The following SMURF1 variants were observed in gnomAD, a reference collection of about 807,000 sequenced individuals.
SMURF1 encodes SMAD specific E3 ubiquitin protein ligase 1, also known as E3 ubiquitin-protein ligase SMURF1.
In SMURF1, 44 loss-of-function variants were observed where a neutral mutation model predicts 98.0. That is an observed-to-expected ratio of 0.45 (90% CI 0.35 to 0.58). The LOEUF (loss-of-function observed/expected upper bound fraction) is 0.58, where lower values mean the gene tolerates loss of function less well. SMURF1 is among the 20% of genes least tolerant of loss of function. SMURF1 has a pLI of 0.00. For synonymous variants in SMURF1, 396 were observed against 374.9 expected, an observed-to-expected ratio of 1.06 and a Z score of -0.65; for missense variants, 687 against 938.4, an observed-to-expected ratio of 0.73 and a Z score of 3.50.
At position 99,038,511 on chromosome 7, in the gene SMURF1, G is replaced by A. The variant is rs1292059518; in HGVS notation, c.1565C>T (p.Thr522Met). The change falls in exon 14 of 18, where the codon ACG becomes ATG. Residue 522 changes from threonine to methionine, a missense_variant. Thr to Met is a moderately conservative substitution (Grantham distance 81). This residue lies in a region of SMURF1 where 272 missense variants were observed against 430.0 expected (regional missense o/e 0.63). Coordinates refer to ENST00000361368, the MANE Select transcript of SMURF1 (RefSeq NM_181349.3). ...GCAGAAGGTGTGGTCCAGTACAGGCGTGATGTCGTTCTCTCTGTTGAAATA... is the reference window on the plus strand; with the variant it reads ...GCAGAAGGTGTGGTCCAGTACAGGCATGATGTCGTTCTCTCTGTTGAAATA... The part of the protein sequence containing the change: ...SLVWILENDI[T>M]PVLDHTFCVE... 16 of 1,614,030 alleles carry A rather than the reference G, an allele frequency of 9.9e-6. No individual in the cohort carries two copies. The highest frequency in any genetic ancestry group is 1.1e-5 in the South Asian group (1 of 91,064).
chr7:99,088,482 C>CTT (rs796742565), intron 1 of SMURF1, among the ~76,000 whole-genome samples: 2 of 146,656 alleles, frequency 1.4e-5, no homozygotes, highest in African/African-American at 5.0e-5. Context: ...TTACCTACTT[C>CTT]TTTTTTTTTT....
chr7:99,080,960 A>C (rs974253115), intron 1 of SMURF1: 1 of 152,248 alleles, frequency 6.6e-6, no homozygotes. Context: ...AGCCTCAGTG[A>C]AGCCCGAAGC....
chr7:99,100,381 C>A (rs1039080475), intron 1 of SMURF1, among the ~76,000 whole-genome samples: 2 of 152,084 alleles, frequency 1.3e-5, no homozygotes, highest in African/African-American at 2.4e-5. Flanking sequence ...ATGGTGAAAC[C>A]CCGTCTCTAT....
chr7:99,092,496 C>G (rs1796834765), intron 1 of SMURF1, among the ~76,000 whole-genome samples: 1 of 152,204 alleles, frequency 6.6e-6, no homozygotes, highest in Non-Finnish European at 1.5e-5. Context: ...ATCGAACGTG[C>G]ATGTTCCCAG....
chr7:99,056,834 C>T (rs563527478), intron 5 of SMURF1, among the ~76,000 whole-genome samples: 40 of 152,136 alleles, frequency 2.6e-4, no homozygotes, highest in Admixed American at 8.5e-4. Flanking sequence ...GAAACTCCGC[C>T]TCTACTAAAA....
intron 1 of SMURF1, among the ~76,000 whole-genome samples, chr7:99,107,048 A>G (rs1412064636): frequency 6.6e-6 from 1 of 152,224 alleles, no homozygotes; most frequent in Admixed American, 6.5e-5. Flanking sequence ...AAGTACATTC[A>G]TGTGTCACCA....
In SMURF1 at chr7:99,035,709, A is replaced by G. The variant is rs777100681; in HGVS notation, c.1817T>C (p.Ile606Thr). 25 of 1,613,934 alleles carry G rather than the reference A, an allele frequency of 1.5e-5. No individual in the cohort carries two copies. The highest frequency in any genetic ancestry group is 1.6e-4 in the Middle Eastern group (1 of 6,084). ...CAAGTCTATTTTATCCAGGCCGCCT[A>G]TGATCAGCTGAGGAGGTGCAGAAAG... ...PFDQKELELI[I>T]GGLDKIDLND... Residue 606 changes from isoleucine to threonine, a missense_variant, in exon 16 of 18, where the codon ATA (isoleucine) becomes ACA (threonine). By Grantham distance (89) the Ile-to-Thr change is moderately conservative (BLOSUM62 -1). Coordinates refer to ENST00000361368, the MANE Select transcript of SMURF1 (RefSeq NM_181349.3).
At chr7:99,111,278 TA>T (rs1797315091) in intron 1 of SMURF1, among the ~76,000 whole-genome samples, 1 of 151,942 alleles carries the variant, frequency 6.6e-6, no homozygotes, top group Non-Finnish European at 1.5e-5. Context: ...GAAAAACCAA[TA>T]AACCAAAAAG....
At chr7:99,038,661 T>G (rs1795249709) in intron 13 of SMURF1, 136 bp from the exon 14 acceptor site, 2 of 953,584 alleles carry the variant, frequency 2.1e-6, no homozygotes, top group African/African-American at 3.3e-5. Context: ...AGAACCTGCG[T>G]GGGGGTGGCA....
chr7:99,067,587 T>A (rs527680377), intron 1 of SMURF1, among the ~76,000 whole-genome samples: 1 of 152,192 alleles, frequency 6.6e-6, no homozygotes, highest in South Asian at 2.1e-4. Context: ...AAAGGAAGTG[T>A]TTTGCTAACA....
intron 11 of SMURF1, among the ~76,000 whole-genome samples, chr7:99,045,148 CA>C (rs796911489): frequency 5.2e-4 from 73 of 141,530 alleles, no homozygotes; most frequent in South Asian, 1.6e-3. Context: ...CAAAAAAGAC[CA>C]AAAAAAAAAA....
intron 17 of SMURF1, among the ~76,000 whole-genome samples, chr7:99,032,207 TATTA>T (rs1203563478): frequency 3.3e-5 from 5 of 152,164 alleles, no homozygotes; most frequent in East Asian, 3.8e-4. Context: ...GAAACACCAA[TATTA>T]ATTAATTACA....
chr7:99,041,182 A>C (rs1481778018), intron 12 of SMURF1, among the ~76,000 whole-genome samples: 1 of 152,152 alleles, frequency 6.6e-6, no homozygotes, highest in African/African-American at 2.4e-5. Context: ...CAGGCAGATC[A>C]CCTGAGGTCA....
chr7:99,109,526 C>T (rs1379258590), intron 1 of SMURF1, among the ~76,000 whole-genome samples: 9 of 152,222 alleles, frequency 5.9e-5, no homozygotes, highest in Admixed American at 5.9e-4. Flanking sequence ...CCACAGGAGC[C>T]CTGCACCAAG....
intron 1 of SMURF1, among the ~76,000 whole-genome samples, chr7:99,079,451 C>T (rs1327116157): frequency 6.6e-6 from 1 of 152,156 alleles, no homozygotes; most frequent in Non-Finnish European, 1.5e-5. Flanking sequence ...AACACAGAAC[C>T]AAGAACCATT....
chr7:99,139,152 T>C (rs981384589), intron 1 of SMURF1, among the ~76,000 whole-genome samples: 1 of 152,228 alleles, frequency 6.6e-6, no homozygotes, highest in Non-Finnish European at 1.5e-5. Context: ...CTATTTTGAA[T>C]CAATTGAGAC....
chr7:99,038,335 T>A, intron 14 of SMURF1, 53 bp downstream of exon 14: 2 of 1,597,716 alleles, frequency 1.3e-6, no homozygotes, highest in Non-Finnish European at 8.5e-7. Flanking sequence ...AGCAACTAAA[T>A]GCAGGCTCAG....
chr7:99,061,035 A>G (rs781553958), intron 2 of SMURF1, among the ~76,000 whole-genome samples: 1 of 152,170 alleles, frequency 6.6e-6, no homozygotes, highest in African/African-American at 2.4e-5. Flanking sequence ...ATCTTTGCCT[A>G]TCTTATCTAT....
intron 1 of SMURF1, among the ~76,000 whole-genome samples, chr7:99,134,546 A>G (rs1797943739): frequency 6.6e-6 from 1 of 152,214 alleles, no homozygotes; most frequent in Non-Finnish European, 1.5e-5. Context: ...AATATATCAC[A>G]TTGAAGTTAC....
Sources: allele counts gnomAD v4.1 joint callset (sites outside exome capture counted in the v4.1 genomes callset), GRCh38; gene constraint gnomAD v4.1.1; regional missense constraint gnomAD v4.1.1; transcripts MANE v1.5; gene names NCBI Gene and HGNC (gene_info 2026-07-23, HGNC 2026-07-21).